MALRD1: variants seen among roughly 807,000 people sequenced by gnomAD.
MALRD1 encodes MAM and LDL receptor class A domain containing 1, also known as MAM and LDL-receptor class A domain-containing protein 1.
In MALRD1, 247 loss-of-function variants were observed where a neutral mutation model predicts 242.1. The observed-to-expected ratio is 1.02, with a 90% CI of 0.92 to 1.13. The LOEUF is 1.13. Ranked by LOEUF, MALRD1 falls within the 50% of genes most tolerant of loss-of-function variation. The pLI is 0.00. For missense variants in MALRD1, 2,989 were observed against 2,533.1 expected, an observed-to-expected ratio of 1.18 and a Z score of -3.86; for synonymous variants, 995 against 866.6, an observed-to-expected ratio of 1.15 and a Z score of -2.60.
At chr10:19,690,220 A>G (rs1177563006) in intron 36 of MALRD1, among the ~76,000 whole-genome samples, 1 of 152,090 alleles carries the variant, frequency 6.6e-6, no homozygotes, top group Non-Finnish European at 1.5e-5. Context: ...AATTCAACAT[A>G]TTTTGAAACT....
intron 20 of MALRD1, among the ~76,000 whole-genome samples, chr10:19,281,541 A>G (rs1017714122): frequency 1.3e-5 from 2 of 152,232 alleles, no homozygotes; most frequent in South Asian, 4.1e-4. Flanking sequence ...TTGAACAAAT[A>G]TAAATGAATT....
intron 18 of MALRD1, among the ~76,000 whole-genome samples, chr10:19,237,525 T>C (rs1838377600): frequency 7.4e-6 from 1 of 134,372 alleles, no homozygotes; most frequent in Non-Finnish European, 1.6e-5. Context: ...TATATATATA[T>C]ATATATATAT....
Position 19,162,452 on chromosome 10 carries a change from G to A in MALRD1, c.1657-3185G>A, listed in dbSNP as rs117620668. On this transcript the variant is annotated intron_variant, in intron 12 of 39. Transcript: ENST00000454679. ...AAGTTCTGTGAGGAATTTATGACAC[G>A]TTTCATGATTTGGAGTTTAAGGTTT... Among the ~76,000 whole-genome samples the A allele has an allele frequency of 2.1e-4, 32 of 152,198 alleles. No homozygotes were observed. The East Asian group carries it at 5.4e-3, about 26-fold the overall frequency.
intron 8 of MALRD1, 99 bp from the exon 9 acceptor site, chr10:19,133,757 G>A: frequency 4.4e-6 from 2 of 451,182 alleles, no homozygotes. Flanking sequence ...TATCATACAG[G>A]TAAGGTAATA....
intron 21 of MALRD1, among the ~76,000 whole-genome samples, chr10:19,288,871 C>CTG (rs1214015808): frequency 6.6e-6 from 1 of 152,094 alleles, no homozygotes; most frequent in African/African-American, 2.4e-5. Flanking sequence ...CTCTGCTGCT[C>CTG]TGTGTGGGAC....
intron 28 of MALRD1, among the ~76,000 whole-genome samples, chr10:19,429,437 AC>A (rs1368562465): frequency 6.6e-6 from 1 of 152,056 alleles, no homozygotes. Context: ...GGTGGTGCAC[AC>A]CTGTGATCCC....
intron 29 of MALRD1, among the ~76,000 whole-genome samples, chr10:19,484,691 T>C (rs1423772126): frequency 2.0e-5 from 3 of 152,168 alleles, no homozygotes; most frequent in African/African-American, 4.8e-5. Context: ...GGCACAGATA[T>C]TGTTAAAAGG....
chr10:19,361,100 A>T (rs1844876188), intron 26 of MALRD1, among the ~76,000 whole-genome samples: 1 of 152,112 alleles, frequency 6.6e-6, no homozygotes, highest in South Asian at 2.1e-4. Context: ...TTGTAGTAAT[A>T]AAACTCCCAA....
intron 32 of MALRD1, among the ~76,000 whole-genome samples, chr10:19,537,217 A>G (rs1257978340): frequency 1.3e-5 from 2 of 152,190 alleles, no homozygotes; most frequent in Non-Finnish European, 2.9e-5. Context: ...ATGAAGAGTA[A>G]TTAAAAATAT....
At chr10:19,717,853 C>A (rs1834460761) in intron 38 of MALRD1, among the ~76,000 whole-genome samples, 1 of 151,974 alleles carries the variant, frequency 6.6e-6, no homozygotes, top group Non-Finnish European at 1.5e-5. Flanking sequence ...CCTGTTTCTA[C>A]TAAAAATACA....
In MALRD1 at chr10:19,531,224, C is replaced by T. The variant is rs1368425655; in HGVS notation, c.5351C>T (p.Ser1784Leu). The change falls in exon 32 of 40, where the codon TCA becomes TTA. Residue 1784 changes from serine to leucine, a missense_variant. Coordinates refer to ENST00000454679, the MANE Select transcript of MALRD1 (RefSeq NM_001142308.3). ...GGTCAGCACTTCCTGTACGTCAACT[C>T]ATCTGGCTCCAAGGAAGGATCCGTT... ...GSGQHFLYVNSSGSKEGSVAR... is the reference protein window; with the variant it reads ...GSGQHFLYVNLSGSKEGSVAR... 1 of 1,550,354 alleles carries T rather than the reference C, an allele frequency of 6.5e-7. No homozygotes were observed. The highest frequency in any genetic ancestry group is 8.7e-7 in the Non-Finnish European group (1 of 1,146,838).
intron 21 of MALRD1, among the ~76,000 whole-genome samples, chr10:19,288,431 C>T (rs1841245806): frequency 6.6e-6 from 1 of 152,084 alleles, no homozygotes; most frequent in South Asian, 2.1e-4. Context: ...CCCCACCTCC[C>T]TCCCAGCCTC....
chr10:19,722,416 G>A, intron 38 of MALRD1: 1 of 151,644 alleles, frequency 6.6e-6, no homozygotes, highest in East Asian at 1.9e-4. Flanking sequence ...ATAGTGAGAT[G>A]TCATCTCTGC....
intron 35 of MALRD1, 101 bp downstream of exon 35, chr10:19,608,003 A>G (rs995761611): frequency 8.6e-6 from 12 of 1,402,210 alleles, no homozygotes; most frequent in African/African-American, 4.3e-5. Context: ...AATGGCAAGC[A>G]TGGAATAATT....
chr10:19,383,600 A>G (rs187293697), intron 26 of MALRD1, among the ~76,000 whole-genome samples: 2 of 152,146 alleles, frequency 1.3e-5, no homozygotes, highest in East Asian at 1.9e-4. Context: ...CTAAGTACAT[A>G]CCTTATATGG....
At chr10:19,335,475 T>C (rs541975511) in intron 24 of MALRD1, among the ~76,000 whole-genome samples, 2 of 152,122 alleles carry the variant, frequency 1.3e-5, no homozygotes, top group Non-Finnish European at 2.9e-5. Context: ...GAATCTGCCA[T>C]ATGAATTATA....
intron 33 of MALRD1, among the ~76,000 whole-genome samples, chr10:19,587,372 C>G (rs1463752097): frequency 6.6e-6 from 1 of 152,214 alleles, no homozygotes; most frequent in African/African-American, 2.4e-5. Flanking sequence ...CTGCGTATGA[C>G]AATGTTTGGC....
chr10:19,525,342 C>T (rs1402178837), intron 31 of MALRD1, among the ~76,000 whole-genome samples: 1 of 151,932 alleles, frequency 6.6e-6, no homozygotes, highest in Non-Finnish European at 1.5e-5. Flanking sequence ...ATCTAAAAGA[C>T]AAATTAGAAT....
intron 36 of MALRD1, among the ~76,000 whole-genome samples, chr10:19,662,122 C>T (rs891515127): frequency 1.3e-5 from 2 of 151,970 alleles, no homozygotes; most frequent in African/African-American, 4.8e-5. Context: ...ATGTACTATT[C>T]TAAGTCCTAG....
Sources: gnomAD v4.1 joint callset for allele counts (sites outside exome capture counted in the v4.1 genomes callset) on GRCh38, gnomAD v4.1.1 for gene constraint, MANE v1.5 for transcripts, NCBI Gene and HGNC (gene_info 2026-07-23, HGNC 2026-07-21) for gene names.